The following RAD51 variants were observed in gnomAD, a reference collection of about 807,000 sequenced individuals.
RAD51 encodes DNA repair protein RAD51 homolog 1.
A neutral mutation model predicts 41.5 loss-of-function variants in RAD51; 14 were observed. The ratio of observed to expected loss-of-function variants is 0.34; its 90% confidence interval spans 0.22 to 0.53. RAD51 has a LOEUF of 0.53. Among genes scored for constraint, RAD51 ranks in the 20% least tolerant of loss-of-function variants. The pLI, the probability that RAD51 is intolerant of heterozygous loss-of-function variation, is 0.95. For missense variants in RAD51, 234 were observed against 422.0 expected (o/e 0.55, Z 3.90); for synonymous variants, 136 against 148.6 (o/e 0.92, Z 0.62).
intron 3 of RAD51, 133 bp downstream of exon 3, chr15:40,701,334 GTTTCTTTTCTTCT>G: frequency 2.4e-6 from 2 of 828,640 alleles, no homozygotes; most frequent in Admixed American, 2.8e-5. Flanking sequence ...ACTGTTACCT[GTTTCTTTTCTTCT>G]TTTCTTTTCT....
At chr15:40,700,120 T>C (rs1894891059) in intron 2 of RAD51, among the ~76,000 whole-genome samples, 1 of 152,244 alleles carries the variant, frequency 6.6e-6, no homozygotes. Flanking sequence ...ATGGCTTATG[T>C]TGGCAAACTA....
chr15:40,696,601 G>A (rs1894653784), intron 1 of RAD51, among the ~76,000 whole-genome samples: 1 of 152,132 alleles, frequency 6.6e-6, no homozygotes, highest in Non-Finnish European at 1.5e-5. Context: ...TTAATAGAAT[G>A]GTCCTCAGAA....
chr15:40,698,974 G>A (rs1944608119), intron 2 of RAD51, 129 bp downstream of exon 2: 7 of 881,404 alleles, frequency 7.9e-6, no homozygotes, highest in Non-Finnish European at 3.7e-6. Flanking sequence ...TTTCAGAAGT[G>A]TTGTCAATAA....
intron 9 of RAD51, 40 bp downstream of exon 9, chr15:40,730,014 C>T (rs1030398888): frequency 6.2e-7 from 1 of 1,607,230 alleles, no homozygotes; most frequent in Non-Finnish European, 8.5e-7. Flanking sequence ...TTCGGAATGT[C>T]ATATTAACTG....
At chr15:40,697,994 G>A (rs1451826821) in intron 1 of RAD51, among the ~76,000 whole-genome samples, 1 of 152,132 alleles carries the variant, frequency 6.6e-6, no homozygotes, top group Non-Finnish European at 1.5e-5. Flanking sequence ...CTATTTTGAA[G>A]TATACATTAC....
chr15:40,722,444 T>C (rs115496726), intron 6 of RAD51, among the ~76,000 whole-genome samples: 1 of 148,256 alleles, frequency 6.7e-6, no homozygotes, highest in Non-Finnish European at 1.5e-5. Flanking sequence ...GGACAAAAAC[T>C]GTATGATTCC....
At chr15:40,709,371 C>CTTTTTTTT (rs772005920) in intron 5 of RAD51, among the ~76,000 whole-genome samples, 1 of 110,936 alleles carries the variant, frequency 9.0e-6, no homozygotes, top group Non-Finnish European at 1.8e-5. Flanking sequence ...TTACTTGCTA[C>CTTTTTTTT]TTTTTTTTTT....
Position 40,731,042 on chromosome 15 carries a change from G to A in RAD51, c.897-13G>A. ...ATAATAAATTGGTGCTTTGGTCTGT[G>A]TCTTTGGGTCAGATTGTATCTGAGG... On this transcript the variant is annotated splice_polypyrimidine_tract_variant and intron_variant, in intron 9 of 9. Coordinates refer to ENST00000267868, the MANE Select transcript of RAD51 (RefSeq NM_002875.5). 6 of 1,614,044 alleles carry A rather than the reference G, an allele frequency of 3.7e-6. No homozygotes were observed. Among genetic ancestry groups the A allele is most frequent in the Non-Finnish European group, 5.1e-6 (6 of 1,179,976 alleles).
At chr15:40,703,207 T>G (rs1038463536) in intron 3 of RAD51, among the ~76,000 whole-genome samples, 3 of 152,172 alleles carry the variant, frequency 2.0e-5, no homozygotes, top group Non-Finnish European at 4.4e-5. Context: ...TCAGAGTCCC[T>G]GGGACTATGT....
chr15:40,706,618 C>G (rs1895357990), intron 4 of RAD51, among the ~76,000 whole-genome samples: 1 of 152,192 alleles, frequency 6.6e-6, no homozygotes, highest in Admixed American at 6.5e-5. Flanking sequence ...AGGAGAATCA[C>G]TTGAACCCGG....
intron 2 of RAD51, among the ~76,000 whole-genome samples, chr15:40,699,650 C>A (rs570170498): frequency 6.6e-6 from 1 of 152,162 alleles, no homozygotes; most frequent in Admixed American, 6.6e-5. Flanking sequence ...GCGGCCTGGA[C>A]CAGTTATGCA....
chr15:40,707,691 C>T (rs1025676043), intron 4 of RAD51, among the ~76,000 whole-genome samples: 5 of 152,028 alleles, frequency 3.3e-5, no homozygotes, highest in East Asian at 1.9e-4. Flanking sequence ...ATAGAAATTT[C>T]GTATGTTTTT....
intron 9 of RAD51, among the ~76,000 whole-genome samples, chr15:40,730,521 T>TTTTTTTTTTCTTCTTTTC (rs1896821242): frequency 2.2e-5 from 2 of 92,694 alleles, no homozygotes; most frequent in African/African-American, 1.0e-4. Context: ...ATTTTTTTTC[T>TTTTTTTTTTCTTCTTTTC]TTTTTTTTTT....
intron 6 of RAD51, among the ~76,000 whole-genome samples, chr15:40,727,769 A>G (rs537151775): frequency 3.3e-5 from 5 of 152,186 alleles, no homozygotes; most frequent in African/African-American, 1.2e-4. Flanking sequence ...CGTAAGGTGT[A>G]ACTCTATCCT....
chr15:40,695,617 T>A (rs1283969572), intron 1 of RAD51, 192 bp downstream of exon 1: 1 of 152,272 alleles, frequency 6.6e-6, no homozygotes, highest in Non-Finnish European at 1.5e-5. Context: ...ACCTCAGTCT[T>A]TAGAACTAGG....
chr15:40,701,741 C>T, intron 3 of RAD51: 2 of 251,228 alleles, frequency 8.0e-6, no homozygotes, highest in Non-Finnish European at 1.6e-5. Flanking sequence ...AGTTTTATTG[C>T]CTTTACCCTT....
intron 6 of RAD51, among the ~76,000 whole-genome samples, chr15:40,724,683 T>G (rs1896465328): frequency 8.4e-6 from 1 of 118,458 alleles, no homozygotes; most frequent in Non-Finnish European, 1.8e-5. Context: ...TCTTTTTTTT[T>G]TTTTTTTTTT....
At position 40,705,300 on chromosome 15, in the gene RAD51, CACTT is replaced by C. The variant is rs1185748921; in HGVS notation, c.226-872_226-869del. Among the ~76,000 whole-genome samples, 8 of 152,260 alleles carry C rather than the reference CACTT, an allele frequency of 5.3e-5. No individual in the cohort carries two copies. The East Asian group carries it at 5.8e-4, about 11-fold the overall frequency. On this transcript the variant is annotated intron_variant, in intron 3 of 9. Transcript: ENST00000267868. ...CTTTATTTTTGCATATTTGTGAATGCACTTACTTTTCAATTTTAGAATCAACCCA... is the reference window on the plus strand; with the variant it reads ...CTTTATTTTTGCATATTTGTGAATGCACTTTTCAATTTTAGAATCAACCCA...
chr15:40,717,254 C>T (rs1896035935), intron 5 of RAD51, among the ~76,000 whole-genome samples: 1 of 152,072 alleles, frequency 6.6e-6, no homozygotes, highest in Non-Finnish European at 1.5e-5. Context: ...AGGAGAATCC[C>T]TTGAACCCGG....
Sources: allele counts gnomAD v4.1 joint callset (sites outside exome capture counted in the v4.1 genomes callset), GRCh38; gene constraint gnomAD v4.1.1; transcripts MANE v1.5; gene names NCBI Gene and HGNC (gene_info 2026-07-23, HGNC 2026-07-21).